CENPP: variants seen among roughly 807,000 people sequenced by gnomAD.
The protein encoded by CENPP is centromere protein P.
CENPP carries 24 observed loss-of-function variants against 35.6 expected under a neutral mutation model. The ratio of observed to expected loss-of-function variants is 0.67; its 90% CI spans 0.49 to 0.95. CENPP has a LOEUF of 0.95. CENPP is among the 40% of genes least tolerant of loss of function. The pLI is 0.00. For missense variants in CENPP, 332 were observed against 345.3 expected (o/e 0.96, Z 0.31); for synonymous variants, 120 against 125.5 (o/e 0.96, Z 0.29).
At chr9:92,571,907 CTTTT>C (rs145507230) in intron 5 of CENPP, among the ~76,000 whole-genome samples, 110 of 127,124 alleles carry the variant, frequency 8.7e-4, no homozygotes, top group African/African-American at 3.2e-3. Context: ...TGCAACTCCT[CTTTT>C]TTTTTTTTTT....
chr9:92,483,435 A>C (rs991092281), intron 5 of CENPP, among the ~76,000 whole-genome samples: 3 of 152,084 alleles, frequency 2.0e-5, no homozygotes, highest in Admixed American at 2.0e-4. Context: ...TCATTGTGTT[A>C]GCCAGGATGG....
intron 4 of CENPP, among the ~76,000 whole-genome samples, chr9:92,371,335 T>A (rs936236983): frequency 6.6e-6 from 1 of 152,200 alleles, no homozygotes; most frequent in Non-Finnish European, 1.5e-5. Context: ...TTTCAAGGAA[T>A]TTTTTTATTT....
intron 5 of CENPP, among the ~76,000 whole-genome samples, chr9:92,566,837 A>C (rs1394210784): frequency 6.6e-6 from 1 of 152,232 alleles, no homozygotes; most frequent in Admixed American, 6.5e-5. Context: ...AAAACTTCCC[A>C]CATTTGTTGA....
chr9:92,490,452 G>A (rs1052721354), intron 5 of CENPP, among the ~76,000 whole-genome samples: 3 of 152,098 alleles, frequency 2.0e-5, no homozygotes, highest in East Asian at 1.9e-4. Flanking sequence ...CTGAATTTAC[G>A]TTCAACCATG....
At chr9:92,444,934 C>T (rs1325703290) in intron 5 of CENPP, among the ~76,000 whole-genome samples, 1 of 152,064 alleles carries the variant, frequency 6.6e-6, no homozygotes, top group Non-Finnish European at 1.5e-5. Flanking sequence ...CTGGAGAGAC[C>T]AACAGACCAA....
chr9:92,398,233 T>C (rs1360767825), intron 5 of CENPP, among the ~76,000 whole-genome samples: 1 of 152,244 alleles, frequency 6.6e-6, no homozygotes, highest in East Asian at 1.9e-4. Context: ...CTTCCTTTGC[T>C]GAGTTATTAA....
At chr9:92,414,987 TC>T (rs1486933012) in intron 5 of CENPP, 5 of 485,538 alleles carry the variant, frequency 1.0e-5, no homozygotes, top group Non-Finnish European at 1.8e-5. Flanking sequence ...TAAGTTCTAA[TC>T]CTATGAAATG....
chr9:92,584,419 G>A (rs1267535445), intron 5 of CENPP, among the ~76,000 whole-genome samples: 1 of 152,134 alleles, frequency 6.6e-6, no homozygotes, highest in Non-Finnish European at 1.5e-5. Flanking sequence ...CACCATCACG[G>A]CTCACTGCAG....
chr9:92,422,352 T>C (rs2130971698), intron 5 of CENPP, among the ~76,000 whole-genome samples: 1 of 152,276 alleles, frequency 6.6e-6, no homozygotes, highest in Middle Eastern at 3.4e-3. Flanking sequence ...CCTGCCTGGC[T>C]GAAAACTCAG....
chr9:92,330,386 T>C (rs1840702155), intron 1 of CENPP, among the ~76,000 whole-genome samples: 1 of 152,208 alleles, frequency 6.6e-6, no homozygotes, highest in African/African-American at 2.4e-5. Flanking sequence ...CTAAGGCTAA[T>C]CATTTAGTGT....
chr9:92,511,875 A>T (rs1461500896), intron 5 of CENPP: 1 of 581,006 alleles, frequency 1.7e-6, no homozygotes, highest in Admixed American at 3.3e-5. Context: ...CAAATTAGGG[A>T]CATCAGAGAG....
At chr9:92,500,774 T>A in intron 5 of CENPP, 1 of 1,614,148 alleles carries the variant, frequency 6.2e-7, no homozygotes, top group Non-Finnish European at 8.5e-7. Flanking sequence ...CTTTCATTTC[T>A]TGTATCCCAG....
At chr9:92,340,298 C>T (rs975602281) in intron 3 of CENPP, 1 of 152,178 alleles carries the variant, frequency 6.6e-6, no homozygotes, top group Admixed American at 6.5e-5. Context: ...GGAGTTATAC[C>T]TTCCAGGATG....
intron 5 of CENPP, chr9:92,514,817 C>T: frequency 1.2e-6 from 2 of 1,613,284 alleles, no homozygotes; most frequent in Non-Finnish European, 1.7e-6. Context: ...ACCGGGTCCT[C>T]CTCGTCCTCC....
At chr9:92,606,018 A>G (rs945148702) in intron 5 of CENPP, among the ~76,000 whole-genome samples, 37 of 152,240 alleles carry the variant, frequency 2.4e-4, no homozygotes, top group African/African-American at 8.9e-4. Context: ...TCCCAGCACT[A>G]TGAAGGCCGA....
chr9:92,591,871 GTTAT>G (rs1383750275), intron 5 of CENPP, among the ~76,000 whole-genome samples: 4 of 152,046 alleles, frequency 2.6e-5, no homozygotes, highest in Admixed American at 2.0e-4. Flanking sequence ...AATTTATTTC[GTTAT>G]TTATTATCTG....
chr9:92,530,687 G>A (rs778392244), intron 5 of CENPP, among the ~76,000 whole-genome samples: 41 of 152,126 alleles, frequency 2.7e-4, no homozygotes, highest in African/African-American at 9.2e-4. Flanking sequence ...TAATATTAAT[G>A]TAGTTGCATT....
At chr9:92,332,551 A>G (rs1353782518) in intron 2 of CENPP, among the ~76,000 whole-genome samples, 200 bp downstream of exon 2, 3 of 152,216 alleles carry the variant, frequency 2.0e-5, no homozygotes, top group East Asian at 3.9e-4. Flanking sequence ...GATCATGCCT[A>G]TAATCCCAGC....
At chr9:92,415,427 G>T in intron 5 of CENPP, 3 of 1,613,294 alleles carry the variant, frequency 1.9e-6, no homozygotes, top group South Asian at 1.1e-5. Flanking sequence ...TATGTTAAAT[G>T]GTGGTAATGT....
Sources: gnomAD v4.1 joint callset for allele counts (sites outside exome capture counted in the v4.1 genomes callset) on GRCh38, gnomAD v4.1.1 for gene constraint, MANE v1.5 for transcripts, NCBI Gene and HGNC (gene_info 2026-07-23, HGNC 2026-07-21) for gene names.